Variants in HS6ST3 observed in about 807,000 individuals in gnomAD.
HS6ST3 encodes heparan-sulfate 6-O-sulfotransferase 3.
In HS6ST3, 12 loss-of-function variants were observed where a neutral mutation model predicts 36.7. The ratio of observed to expected loss-of-function variants is 0.33; its 90% confidence interval spans 0.21 to 0.53. The LOEUF is 0.53. Among genes scored for constraint, HS6ST3 ranks in the 20% least tolerant of loss-of-function variants. The probability of loss-of-function intolerance (pLI) is 0.95; values close to 1 mark genes in which losing one functional copy is unlikely to be tolerated. For missense variants in HS6ST3, 584 were observed against 640.9 expected (o/e 0.91, Z 0.96); for synonymous variants, 240 against 257.5 (o/e 0.93, Z 0.65).
intron 1 of HS6ST3, among the ~76,000 whole-genome samples, chr13:96,096,181 C>T (rs1668310062): frequency 6.6e-6 from 1 of 152,086 alleles, no homozygotes; most frequent in Admixed American, 6.5e-5. Context: ...GACATAAAAG[C>T]TTCCTTCAAA....
intron 1 of HS6ST3, among the ~76,000 whole-genome samples, chr13:96,529,748 AT>A (rs1365234260): frequency 6.6e-6 from 1 of 152,128 alleles, no homozygotes; most frequent in Non-Finnish European, 1.5e-5. Flanking sequence ...GCTAAATCAC[AT>A]TGTATTTATC....
At chr13:96,809,420 C>G (rs778120991) in intron 1 of HS6ST3, among the ~76,000 whole-genome samples, 1 of 152,032 alleles carries the variant, frequency 6.6e-6, no homozygotes, top group Non-Finnish European at 1.5e-5. Context: ...TTGTTTTTTG[C>G]TTTTAGATTT....
At chr13:96,422,822 A>T (rs192738915) in intron 1 of HS6ST3, among the ~76,000 whole-genome samples, 4 of 152,248 alleles carry the variant, frequency 2.6e-5, no homozygotes, top group Admixed American at 1.3e-4. Context: ...TAAAAAATAG[A>T]TTCTCCCATT....
intron 1 of HS6ST3, among the ~76,000 whole-genome samples, chr13:96,695,860 G>A (rs1875113455): frequency 6.6e-6 from 1 of 151,918 alleles, no homozygotes; most frequent in African/African-American, 2.4e-5. Context: ...GAAAATTTGG[G>A]GAAAAATATC....
chr13:96,814,170 G>A (rs1255739307), intron 1 of HS6ST3, among the ~76,000 whole-genome samples: 1 of 151,886 alleles, frequency 6.6e-6, no homozygotes, highest in Non-Finnish European at 1.5e-5. Context: ...TCTTTTTTAT[G>A]GATTCCTTCT....
rs2055255415 is a variant in HS6ST3 at position 96,364,787 on chromosome 13, T to C, written c.707+273218T>C. ...TTGTGTTATGTATGTTTTACCACAATAAAAATATAGGAGGGAATACTATTG... is the reference window on the plus strand; with the variant it reads ...TTGTGTTATGTATGTTTTACCACAACAAAAATATAGGAGGGAATACTATTG... On this transcript the variant is annotated intron_variant, in intron 1 of 1. Coordinates refer to ENST00000376705, the MANE Select transcript of HS6ST3 (RefSeq NM_153456.4). Among the ~76,000 whole-genome samples, 5 of 152,158 alleles carry C rather than the reference T, an allele frequency of 3.3e-5. No homozygotes were observed. In the South Asian group the frequency reaches 1.0e-3, roughly 32 times the overall value.
intron 1 of HS6ST3, among the ~76,000 whole-genome samples, chr13:96,464,888 A>G (rs1017045322): frequency 6.6e-6 from 1 of 151,148 alleles, no homozygotes; most frequent in African/African-American, 2.4e-5. Context: ...TTATCACAGC[A>G]CATAGTTATC....
chr13:96,623,409 T>C (rs2056501712), intron 1 of HS6ST3, among the ~76,000 whole-genome samples: 1 of 152,096 alleles, frequency 6.6e-6, no homozygotes, highest in South Asian at 2.1e-4. Flanking sequence ...AACCCAGTTA[T>C]AGCTTTCTAA....
intron 1 of HS6ST3, among the ~76,000 whole-genome samples, chr13:96,316,563 G>C (rs907382470): frequency 2.0e-5 from 3 of 152,080 alleles, no homozygotes; most frequent in Non-Finnish European, 4.4e-5. Flanking sequence ...ACACACTTCA[G>C]GGGAGAAGCC....
At chr13:96,785,558 T>C (rs904824710) in intron 1 of HS6ST3, among the ~76,000 whole-genome samples, 21 of 152,278 alleles carry the variant, frequency 1.4e-4, no homozygotes, top group African/African-American at 4.8e-4. Flanking sequence ...GGGCAAAAGA[T>C]AGCAGAAACC....
chr13:96,336,124 T>C (rs1207438098), intron 1 of HS6ST3, among the ~76,000 whole-genome samples: 2 of 152,208 alleles, frequency 1.3e-5, no homozygotes, highest in Non-Finnish European at 2.9e-5. Flanking sequence ...ATATTTTTTG[T>C]TGAAATACTC....
intron 1 of HS6ST3, among the ~76,000 whole-genome samples, chr13:96,539,014 T>G (rs1371227335): frequency 6.6e-6 from 1 of 152,132 alleles, no homozygotes; most frequent in African/African-American, 2.4e-5. Context: ...AATATCTGCT[T>G]GGGCTGTGCT....
chr13:96,763,332 A>G (rs1594854420), intron 1 of HS6ST3, among the ~76,000 whole-genome samples: 2 of 149,970 alleles, frequency 1.3e-5, no homozygotes, highest in African/African-American at 2.4e-5. Flanking sequence ...ATATGAATAT[A>G]TTTATATAAC....
At chr13:96,652,180 A>T (rs561071025) in intron 1 of HS6ST3, among the ~76,000 whole-genome samples, 1 of 152,104 alleles carries the variant, frequency 6.6e-6, no homozygotes. Context: ...TCACACATAT[A>T]TATAATACTG....
intron 1 of HS6ST3, among the ~76,000 whole-genome samples, chr13:96,831,980 A>AAAAAAAAAAC (rs1339637754): frequency 9.2e-5 from 13 of 142,002 alleles, no homozygotes; most frequent in African/African-American, 3.4e-4. Flanking sequence ...AAAAAAAAAA[A>AAAAAAAAAAC]CAGAGATTAA....
chr13:96,759,634 T>C (rs1290050088), intron 1 of HS6ST3, among the ~76,000 whole-genome samples: 3 of 151,990 alleles, frequency 2.0e-5, no homozygotes, highest in African/African-American at 7.2e-5. Context: ...AACCACAATA[T>C]AATGCTATAA....
At chr13:96,708,776 T>C (rs1397833041) in intron 1 of HS6ST3, among the ~76,000 whole-genome samples, 3 of 152,140 alleles carry the variant, frequency 2.0e-5, no homozygotes, top group African/African-American at 7.2e-5. Flanking sequence ...TGGCAAATTA[T>C]GGAGAAGGCC....
chr13:96,285,933 C>T (rs557360059), intron 1 of HS6ST3, among the ~76,000 whole-genome samples: 1 of 147,708 alleles, frequency 6.8e-6, no homozygotes, highest in Non-Finnish European at 1.5e-5. Flanking sequence ...CTCCTTCCCT[C>T]CCTCCCTCCT....
chr13:96,099,455 TC>T (rs774560835), intron 1 of HS6ST3, among the ~76,000 whole-genome samples: 3 of 151,882 alleles, frequency 2.0e-5, no homozygotes, highest in Non-Finnish European at 2.9e-5. Flanking sequence ...GCAGTCTTTT[TC>T]CCCCCCAGCA....
Sources: allele counts gnomAD v4.1 joint callset (sites outside exome capture counted in the v4.1 genomes callset), GRCh38; gene constraint gnomAD v4.1.1; transcripts MANE v1.5; gene names NCBI Gene and HGNC (gene_info 2026-07-23, HGNC 2026-07-21).